Variants in PLCB1 observed in about 807,000 individuals in gnomAD.
The protein encoded by PLCB1 is 1-phosphatidylinositol 4,5-bisphosphate phosphodiesterase beta-1.
A neutral mutation model predicts 161.8 loss-of-function variants in PLCB1; 46 were observed. The observed-to-expected ratio is 0.28, with a 90% CI of 0.22 to 0.36. The LOEUF (loss-of-function observed/expected upper bound fraction) is 0.36, where lower values mean the gene tolerates loss of function less well. Among genes scored for constraint, PLCB1 ranks in the 10% least tolerant of loss-of-function variants. The pLI is 1.00. For synonymous variants in PLCB1, 517 were observed against 503.7 expected (o/e 1.03, Z -0.35); for missense variants, 1,016 against 1,472.5 (o/e 0.69, Z 5.07).
intron 3 of PLCB1, among the ~76,000 whole-genome samples, chr20:8,572,803 G>C (rs560298039): frequency 6.6e-6 from 1 of 152,274 alleles, no homozygotes; most frequent in South Asian, 2.1e-4. Flanking sequence ...TGGGCCCTGT[G>C]TGACTGCAGA....
At chr20:8,513,353 A>G (rs1010619868) in intron 3 of PLCB1, among the ~76,000 whole-genome samples, 1 of 152,242 alleles carries the variant, frequency 6.6e-6, no homozygotes, top group African/African-American at 2.4e-5. Context: ...AAGGGCACAC[A>G]CACACTCATT....
chr20:8,509,918 A>G (rs1408005577), intron 3 of PLCB1, among the ~76,000 whole-genome samples: 1 of 152,200 alleles, frequency 6.6e-6, no homozygotes, highest in Non-Finnish European at 1.5e-5. Flanking sequence ...AAGTACAAAA[A>G]ACATTGCCAT....
chr20:8,224,705 A>G (rs566299607), intron 2 of PLCB1, among the ~76,000 whole-genome samples: 13 of 152,166 alleles, frequency 8.5e-5, no homozygotes, highest in Non-Finnish European at 1.2e-4. Flanking sequence ...GAACAACCTC[A>G]TAACCATTGC....
intron 3 of PLCB1, among the ~76,000 whole-genome samples, chr20:8,561,038 G>A (rs1173101454): frequency 6.6e-6 from 1 of 151,840 alleles, no homozygotes; most frequent in East Asian, 1.9e-4. Flanking sequence ...GATAAACTAG[G>A]ATATGGAACG....
At chr20:8,169,782 T>C (rs1000373037) in intron 2 of PLCB1, among the ~76,000 whole-genome samples, 3 of 152,136 alleles carry the variant, frequency 2.0e-5, no homozygotes, top group African/African-American at 7.2e-5. Flanking sequence ...GCATGTGGCC[T>C]AGTCTACAAT....
intron 2 of PLCB1, among the ~76,000 whole-genome samples, chr20:8,179,681 C>T (rs1454139901): frequency 1.3e-5 from 2 of 151,888 alleles, no homozygotes; most frequent in African/African-American, 4.8e-5. Flanking sequence ...AGTACTGTGT[C>T]GAATAGGAGT....
chr20:8,624,524 C>CT (rs1400233392), intron 3 of PLCB1, among the ~76,000 whole-genome samples: 6 of 152,230 alleles, frequency 3.9e-5, no homozygotes, highest in East Asian at 1.9e-4. Flanking sequence ...GCATTTAACT[C>CT]TTTTTTTAAA....
At chr20:8,798,598 C>G (rs67384683) in intron 31 of PLCB1, among the ~76,000 whole-genome samples, 40,234 of 152,088 alleles carry the variant, frequency 0.26, 5,466 homozygotes, top group Middle Eastern at 0.35. Context: ...ACACACACCC[C>G]TGGCCCAGGA....
intron 31 of PLCB1, among the ~76,000 whole-genome samples, chr20:8,874,419 A>T (rs1254187773): frequency 6.6e-6 from 1 of 152,052 alleles, no homozygotes; most frequent in Non-Finnish European, 1.5e-5. Flanking sequence ...ATAATTGTGC[A>T]TCCTTAGTAG....
chr20:8,639,150 A>C (rs767025774), intron 4 of PLCB1, among the ~76,000 whole-genome samples: 4 of 152,202 alleles, frequency 2.6e-5, no homozygotes, highest in Non-Finnish European at 5.9e-5. Context: ...GCAGCACAGC[A>C]GAGAAGGGGC....
intron 3 of PLCB1, among the ~76,000 whole-genome samples, chr20:8,444,083 A>T (rs1410544319): frequency 6.6e-6 from 1 of 152,002 alleles, no homozygotes. Flanking sequence ...GTACATGTGC[A>T]CAATGTGCAG....
At chr20:8,351,702 A>G (rs557326852) in intron 2 of PLCB1, among the ~76,000 whole-genome samples, 3 of 148,746 alleles carry the variant, frequency 2.0e-5, no homozygotes, top group Non-Finnish European at 4.6e-5. Flanking sequence ...ATCTCACCAA[A>G]GAAAACATAC....
At chr20:8,874,363 C>A (rs893666045) in intron 31 of PLCB1, among the ~76,000 whole-genome samples, 3 of 151,528 alleles carry the variant, frequency 2.0e-5, no homozygotes, top group Non-Finnish European at 4.4e-5. Flanking sequence ...GGTAACATAA[C>A]CATACAAAGA....
intron 2 of PLCB1, among the ~76,000 whole-genome samples, chr20:8,345,779 A>G (rs538926321): frequency 1.7e-4 from 26 of 152,312 alleles, no homozygotes; most frequent in South Asian, 1.4e-3. Context: ...GTGAAAGCCA[A>G]TTCTCTTCCT....
chr20:8,716,438 G>A, intron 13 of PLCB1, 90 bp downstream of exon 13: 1 of 949,238 alleles, frequency 1.1e-6, no homozygotes, highest in South Asian at 1.4e-5. Flanking sequence ...TCATATTTAT[G>A]TTTCTTGGTA....
intron 3 of PLCB1, among the ~76,000 whole-genome samples, chr20:8,468,913 T>C (rs920248641): frequency 6.6e-6 from 1 of 152,148 alleles, no homozygotes; most frequent in Non-Finnish European, 1.5e-5. Flanking sequence ...GAGAGAGTCA[T>C]AACTCAGTCA....
chr20:8,352,711 T>C (rs1986220582), intron 2 of PLCB1, among the ~76,000 whole-genome samples: 1 of 152,096 alleles, frequency 6.6e-6, no homozygotes. Context: ...AAAAGAATGG[T>C]TGTTAACAAC....
intron 2 of PLCB1, chr20:8,249,426 T>C (rs1388035463): frequency 6.6e-6 from 1 of 151,958 alleles, no homozygotes; most frequent in Admixed American, 6.6e-5. Flanking sequence ...TGACTTGTTA[T>C]CATTCTCACA....
At chr20:8,189,408 T>A (rs1007624069) in intron 2 of PLCB1, among the ~76,000 whole-genome samples, 3 of 151,350 alleles carry the variant, frequency 2.0e-5, no homozygotes, top group Non-Finnish European at 4.4e-5. Flanking sequence ...ATGGCCTAAA[T>A]GAACATGATG....
Sources: allele counts gnomAD v4.1 joint callset (sites outside exome capture counted in the v4.1 genomes callset), GRCh38; gene constraint gnomAD v4.1.1; transcripts MANE v1.5; gene names NCBI Gene and HGNC (gene_info 2026-07-23, HGNC 2026-07-21).